GMDS: variants seen among roughly 807,000 people sequenced by gnomAD.
GMDS encodes GDP-mannose 4,6 dehydratase.
A neutral mutation model predicts 49.9 loss-of-function variants in GMDS; 20 were observed. The ratio of observed to expected loss-of-function variants is 0.40; its 90% CI spans 0.28 to 0.58. GMDS has a LOEUF of 0.58. Ranked by LOEUF, GMDS falls within the 20% of genes least tolerant of loss-of-function variation. The pLI, the probability that GMDS is intolerant of heterozygous loss-of-function variation, is 0.42. For synonymous variants in GMDS, 177 were observed against 178.6 expected (o/e 0.99, Z 0.07); for missense variants, 362 against 481.4 (o/e 0.75, Z 2.32).
At chr6:1,786,209 GTTCAA>G (rs1769314292) in intron 7 of GMDS, among the ~76,000 whole-genome samples, 1 of 152,204 alleles carries the variant, frequency 6.6e-6, no homozygotes, top group Non-Finnish European at 1.5e-5. Context: ...ATCATTTACA[GTTCAA>G]TTCAGTTCAT....
chr6:2,023,010 G>T (rs981454166), intron 4 of GMDS, among the ~76,000 whole-genome samples: 1 of 152,028 alleles, frequency 6.6e-6, no homozygotes, highest in Non-Finnish European at 1.5e-5. Flanking sequence ...TAAATACACA[G>T]ATCCTGGAAC....
chr6:2,162,356 T>G (rs190615165), intron 1 of GMDS, among the ~76,000 whole-genome samples: 1 of 152,206 alleles, frequency 6.6e-6, no homozygotes, highest in Admixed American at 6.5e-5. Flanking sequence ...TCTCAAAATC[T>G]CCTCCCATGG....
intron 6 of GMDS, among the ~76,000 whole-genome samples, chr6:1,953,291 C>G (rs1054116288): frequency 1.3e-5 from 2 of 152,054 alleles, no homozygotes; most frequent in African/African-American, 2.4e-5. Flanking sequence ...ATTCTACACT[C>G]ATACTGAAAA....
At chr6:1,797,493 T>C (rs1330578228) in intron 7 of GMDS, among the ~76,000 whole-genome samples, 2 of 152,238 alleles carry the variant, frequency 1.3e-5, no homozygotes, top group East Asian at 3.8e-4. Flanking sequence ...ATGTTTTGAT[T>C]TGTACAATGA....
At chr6:1,906,085 T>C (rs1760763984) in intron 7 of GMDS, among the ~76,000 whole-genome samples, 1 of 152,208 alleles carries the variant, frequency 6.6e-6, no homozygotes, top group Non-Finnish European at 1.5e-5. Context: ...TAAGTGATGC[T>C]TGTGACAAGT....
chr6:2,212,976 G>A (rs989292369), intron 1 of GMDS, among the ~76,000 whole-genome samples: 4 of 151,992 alleles, frequency 2.6e-5, no homozygotes, highest in Non-Finnish European at 4.4e-5. Context: ...TACTTAACTT[G>A]TATCCCCTAA....
chr6:1,797,012 TC>T (rs1235557984), intron 7 of GMDS, among the ~76,000 whole-genome samples: 2 of 152,192 alleles, frequency 1.3e-5, no homozygotes, highest in African/African-American at 2.4e-5. Flanking sequence ...CAAGCAGGGA[TC>T]CCTAAACCCC....
rs1450774902 is a variant in GMDS, at chr6:1,825,211, G to A, written c.772-82625C>T. ...AAGCAACGCATTGGCTGAGAAGATC[G>A]CTGATGACGTTTAACTTGTATAGCA... On this transcript the variant is annotated intron_variant, in intron 7 of 10. Coordinates refer to ENST00000380815, the MANE Select transcript of GMDS (RefSeq NM_001500.4). Among the ~76,000 whole-genome samples the A allele has an allele frequency of 3.3e-5, 5 of 152,306 alleles. No homozygotes were observed. In the East Asian group the frequency reaches 9.7e-4, roughly 29 times the overall value.
chr6:2,030,630 A>G (rs1217045063), intron 4 of GMDS, among the ~76,000 whole-genome samples: 1 of 152,056 alleles, frequency 6.6e-6, no homozygotes, highest in Non-Finnish European at 1.5e-5. Context: ...AATTTATAAG[A>G]CTCACTCTAT....
At chr6:1,796,396 C>A (rs1032016714) in intron 7 of GMDS, among the ~76,000 whole-genome samples, 1 of 152,172 alleles carries the variant, frequency 6.6e-6, no homozygotes, top group Admixed American at 6.5e-5. Context: ...TATTTTCAGA[C>A]CCTTGTGGCA....
intron 4 of GMDS, among the ~76,000 whole-genome samples, chr6:1,981,043 T>G (rs1317848743): frequency 6.6e-6 from 1 of 152,190 alleles, no homozygotes; most frequent in African/African-American, 2.4e-5. Flanking sequence ...GCTAAAGCTG[T>G]GTTAAAAGAA....
chr6:1,716,023 T>A (rs1766164528), intron 9 of GMDS, among the ~76,000 whole-genome samples: 3 of 152,356 alleles, frequency 2.0e-5, no homozygotes, highest in South Asian at 4.1e-4. Context: ...AGAAACAGCC[T>A]GAATTTAAAA....
At chr6:1,729,477 G>A (rs767413402) in intron 8 of GMDS, among the ~76,000 whole-genome samples, 5 of 152,212 alleles carry the variant, frequency 3.3e-5, no homozygotes, top group Non-Finnish European at 5.9e-5. Flanking sequence ...TCAGGAAATG[G>A]CTCAAAGCTG....
intron 1 of GMDS, among the ~76,000 whole-genome samples, chr6:2,202,868 C>T (rs1021818150): frequency 1.2e-4 from 18 of 152,302 alleles, no homozygotes; most frequent in African/African-American, 3.9e-4. Context: ...AGATTGTGAG[C>T]TTGGTCCTAA....
At chr6:2,151,155 TTTAAAA>T (rs780981351) in intron 1 of GMDS, among the ~76,000 whole-genome samples, 9 of 152,200 alleles carry the variant, frequency 5.9e-5, no homozygotes, top group Admixed American at 1.3e-4. Flanking sequence ...AATTATACAT[TTTAAAA>T]TTAAAGAGTA....
intron 1 of GMDS, among the ~76,000 whole-genome samples, chr6:2,210,226 TCC>T (rs1359619852): frequency 5.9e-5 from 9 of 152,160 alleles, no homozygotes; most frequent in African/African-American, 1.4e-4. Context: ...GCATCCCAGG[TCC>T]ACCACACAAG....
chr6:1,998,811 C>T (rs1446718002), intron 4 of GMDS, among the ~76,000 whole-genome samples: 1 of 151,992 alleles, frequency 6.6e-6, no homozygotes, highest in East Asian at 1.9e-4. Context: ...AAGAAGGCTC[C>T]TGGAAGCAAT....
At chr6:2,131,548 A>C (rs569857393) in intron 1 of GMDS, among the ~76,000 whole-genome samples, 1 of 152,354 alleles carries the variant, frequency 6.6e-6, no homozygotes, top group South Asian at 2.1e-4. Flanking sequence ...AATGGAGTCC[A>C]AGATAAACCC....
chr6:1,967,845 C>T (rs1042202265), intron 4 of GMDS, among the ~76,000 whole-genome samples: 29 of 152,160 alleles, frequency 1.9e-4, no homozygotes, highest in Non-Finnish European at 3.4e-4. Context: ...AAAGAATTGT[C>T]CACATTTATT....
Sources: gnomAD v4.1 joint callset for allele counts (sites outside exome capture counted in the v4.1 genomes callset) on GRCh38, gnomAD v4.1.1 for gene constraint, MANE v1.5 for transcripts, NCBI Gene and HGNC (gene_info 2026-07-23, HGNC 2026-07-21) for gene names.